AGBL4: variants seen among roughly 807,000 people sequenced by gnomAD.
AGBL4 encodes the protein cytosolic carboxypeptidase 6.
A neutral mutation model predicts 66.4 loss-of-function variants in AGBL4; 58 were observed. The ratio of observed to expected loss-of-function variants is 0.87; its 90% CI spans 0.71 to 1.09. AGBL4 has a LOEUF of 1.09. Among genes scored for constraint, AGBL4 ranks in the 50% least tolerant of loss-of-function variants. The pLI is 0.00. For missense variants in AGBL4, 579 were observed against 631.0 expected (o/e 0.92, Z 0.88); for synonymous variants, 234 against 222.9 (o/e 1.05, Z -0.44).
intron 1 of AGBL4, among the ~76,000 whole-genome samples, chr1:49,990,198 A>G (rs756579632): frequency 1.3e-5 from 2 of 152,248 alleles, no homozygotes; most frequent in African/African-American, 4.8e-5. Context: ...TGTAATACCA[A>G]TGTAAAGATG....
intron 6 of AGBL4, among the ~76,000 whole-genome samples, chr1:48,723,091 ACT>A (rs1358751342): frequency 2.0e-5 from 3 of 152,100 alleles, no homozygotes; most frequent in African/African-American, 7.2e-5. Flanking sequence ...CACGCTCCCC[ACT>A]CTTTCCCATG....
At chr1:48,776,906 G>C (rs1363998592) in intron 6 of AGBL4, 4 of 942,756 alleles carry the variant, frequency 4.2e-6, no homozygotes, top group Admixed American at 3.9e-5. Flanking sequence ...ATCCGGCGGG[G>C]GGCGCGAGTC....
intron 3 of AGBL4, among the ~76,000 whole-genome samples, chr1:49,283,659 C>G (rs866512142): frequency 7.3e-5 from 11 of 151,120 alleles, no homozygotes; most frequent in Non-Finnish European, 1.5e-4. Flanking sequence ...ATAACCAATA[C>G]AGAGAAGTGC....
chr1:48,878,210 T>A (rs1423743497), intron 5 of AGBL4, among the ~76,000 whole-genome samples: 1 of 152,134 alleles, frequency 6.6e-6, no homozygotes, highest in Non-Finnish European at 1.5e-5. Context: ...TTCAATAACA[T>A]CTTTTTTGGT....
At chr1:49,559,060 C>G (rs1376369693) in intron 3 of AGBL4, among the ~76,000 whole-genome samples, 1 of 152,122 alleles carries the variant, frequency 6.6e-6, no homozygotes, top group Non-Finnish European at 1.5e-5. Context: ...TTGCCACATG[C>G]CACGTATAGA....
At chr1:49,699,250 C>G (rs1334361870) in intron 2 of AGBL4, among the ~76,000 whole-genome samples, 1 of 152,048 alleles carries the variant, frequency 6.6e-6, no homozygotes, top group Non-Finnish European at 1.5e-5. Flanking sequence ...TAGTGAACAT[C>G]TGGTCTTTGG....
chr1:48,957,098 T>C (rs2148934542), intron 5 of AGBL4, among the ~76,000 whole-genome samples: 1 of 152,324 alleles, frequency 6.6e-6, no homozygotes, highest in South Asian at 2.1e-4. Flanking sequence ...CCTTCTTTTA[T>C]ATAACAGGGG....
At chr1:48,583,115 A>G (rs546923806) in intron 11 of AGBL4, among the ~76,000 whole-genome samples, 1 of 152,222 alleles carries the variant, frequency 6.6e-6, no homozygotes, top group South Asian at 2.1e-4. Flanking sequence ...CACATCTCCC[A>G]CTGTGTGAAT....
At chr1:48,961,080 G>GGGGTGTGT (rs1553130836) in intron 5 of AGBL4, among the ~76,000 whole-genome samples, 4 of 148,626 alleles carry the variant, frequency 2.7e-5, no homozygotes, top group African/African-American at 9.9e-5. Flanking sequence ...CCCAGTCTGG[G>GGGGTGTGT]GTGTGTGTGT....
intron 8 of AGBL4, among the ~76,000 whole-genome samples, chr1:48,651,618 A>T (rs373758126): frequency 6.6e-6 from 1 of 152,218 alleles, no homozygotes; most frequent in African/African-American, 2.4e-5. Flanking sequence ...CTAATGAACC[A>T]TCACTTCAGC....
chr1:49,871,594 TAGATATA>T (rs1308606694), intron 1 of AGBL4, among the ~76,000 whole-genome samples: 1 of 152,104 alleles, frequency 6.6e-6, no homozygotes, highest in African/African-American at 2.4e-5. Context: ...AAGTCCAAAA[TAGATATA>T]TTCAGCTTCT....
chr1:49,175,022 T>C (rs1478157961), intron 4 of AGBL4: 1 of 152,082 alleles, frequency 6.6e-6, no homozygotes, highest in Non-Finnish European at 1.5e-5. Context: ...TTTGAAGTCA[T>C]CCAAAAAGAA....
chr1:48,898,075 T>G (rs1354766738), intron 5 of AGBL4, among the ~76,000 whole-genome samples: 4 of 152,316 alleles, frequency 2.6e-5, no homozygotes, highest in South Asian at 4.1e-4. Flanking sequence ...CCTCCCAAAG[T>G]GCTGGGATTA....
chr1:49,038,607 C>T (rs1442100949), intron 5 of AGBL4, among the ~76,000 whole-genome samples: 2 of 152,104 alleles, frequency 1.3e-5, no homozygotes, highest in Non-Finnish European at 2.9e-5. Context: ...AGATGCTTTA[C>T]ATCATATGTC....
At chr1:49,770,334 G>A (rs1443403764) in intron 2 of AGBL4, among the ~76,000 whole-genome samples, 3 of 152,096 alleles carry the variant, frequency 2.0e-5, no homozygotes, top group African/African-American at 4.8e-5. Flanking sequence ...TTATTGATTT[G>A]CATATGTTGA....
At chr1:49,940,069 G>A (rs1431470367) in intron 1 of AGBL4, among the ~76,000 whole-genome samples, 1 of 152,244 alleles carries the variant, frequency 6.6e-6, no homozygotes, top group East Asian at 1.9e-4. Context: ...CTCAAAAGAA[G>A]ACATTTATGC....
intron 3 of AGBL4, among the ~76,000 whole-genome samples, chr1:49,305,469 A>T (rs1256457561): frequency 6.6e-6 from 1 of 152,152 alleles, no homozygotes. Flanking sequence ...TGTATTTTCT[A>T]TCCATGTTTG....
intron 3 of AGBL4, among the ~76,000 whole-genome samples, chr1:49,429,241 T>C (rs897193337): frequency 2.6e-5 from 4 of 152,192 alleles, no homozygotes; most frequent in African/African-American, 9.7e-5. Flanking sequence ...GAAAAGGCTT[T>C]TCAAATATAA....
chr1:49,050,744 A>G lies in AGBL4; in HGVS notation c.378-4944T>C, dbSNP rs1192204496. Among the ~76,000 whole-genome samples the G allele has an allele frequency of 2.0e-5, 3 of 152,228 alleles. No homozygotes were observed. The South Asian group carries it at 6.2e-4, about 32-fold the overall frequency. ...ATAGTTCCTCTTTGAAGTCTTTGTC[A>G]ACAACTTCAGGATGAATTAACTGCT... On this transcript the variant is annotated intron_variant, in intron 4 of 13. Transcript: ENST00000371839.
Sources: allele counts gnomAD v4.1 joint callset (sites outside exome capture counted in the v4.1 genomes callset), GRCh38; gene constraint gnomAD v4.1.1; transcripts MANE v1.5; gene names NCBI Gene and HGNC (gene_info 2026-07-23, HGNC 2026-07-21).